BCAT1: variants seen among roughly 807,000 people sequenced by gnomAD.
BCAT1 encodes branched chain amino acid transaminase 1.
A neutral mutation model predicts 52.4 loss-of-function variants in BCAT1; 48 were observed. That is an observed-to-expected ratio of 0.92 (90% CI 0.73 to 1.16). BCAT1 has a LOEUF of 1.16. BCAT1 is among the 50% of genes most tolerant of loss of function. The probability of loss-of-function intolerance (pLI) is 0.00; values close to 1 mark genes in which losing one functional copy is unlikely to be tolerated. For synonymous variants in BCAT1, 167 were observed against 161.3 expected, an observed-to-expected ratio of 1.04 and a Z score of -0.27; for missense variants, 451 against 457.1, an observed-to-expected ratio of 0.99 and a Z score of 0.12.
intron 3 of BCAT1, among the ~76,000 whole-genome samples, chr12:24,885,271 TA>T (rs1942626487): frequency 6.6e-6 from 1 of 152,128 alleles, no homozygotes; most frequent in Non-Finnish European, 1.5e-5. Flanking sequence ...TAGCAGCAGT[TA>T]AAAAATAAAA....
In BCAT1 at chr12:24,840,382, C is replaced by T. The variant is rs187546288; in HGVS notation, c.817+1700G>A. The stretch of plus-strand genomic sequence containing the variant: ...CAGATGGGAAGAAGGGTTGAATCGG[C>T]CTATTATCTTCTAAGTGCAGAGGTC... On this transcript the variant is annotated intron_variant, in intron 7 of 10. Coordinates refer to ENST00000261192, the MANE Select transcript of BCAT1 (RefSeq NM_005504.7). 1.8e-3 allele frequency among the ~76,000 whole-genome samples: 279 copies of T among 152,204 alleles called. 7 individuals are homozygous for T. The highest frequency in any genetic ancestry group is 7.6e-4 in the Non-Finnish European group (52 of 68,004).
At chr12:24,883,678 A>G (rs1243693176) in intron 3 of BCAT1, among the ~76,000 whole-genome samples, 1 of 152,238 alleles carries the variant, frequency 6.6e-6, no homozygotes, top group Non-Finnish European at 1.5e-5. Flanking sequence ...CAAAAGCAGC[A>G]GTCCCCAACC....
intron 6 of BCAT1, among the ~76,000 whole-genome samples, chr12:24,846,000 T>C (rs1402751506): frequency 6.6e-6 from 1 of 152,232 alleles, no homozygotes; most frequent in Non-Finnish European, 1.5e-5. Context: ...AAATTATTTT[T>C]TCATATACAA....
Position 24,814,396 on chromosome 12 carries a change from G to A in BCAT1, c.*3612C>T, listed in dbSNP as rs1156586510. 1 of 140,954 alleles carries A rather than the reference G, an allele frequency of 7.1e-6. No individual in the cohort carries two copies. Among genetic ancestry groups the A allele is most frequent in the Non-Finnish European group, 1.5e-5 (1 of 65,660 alleles). The allele number at this position is 140,954 out of a possible 1,614,324, so 8.7% of individuals were successfully genotyped here. ...AAATTCATCTTTCCCAATCATAAGG[G>A]GAAACCAAATATGCAACTTGAAAAA... On this transcript the variant is annotated 3_prime_UTR_variant, in exon 11 of 11. Transcript: ENST00000261192.
At chr12:24,839,287 A>C (rs2139423362) in intron 7 of BCAT1, among the ~76,000 whole-genome samples, 2 of 152,342 alleles carry the variant, frequency 1.3e-5, no homozygotes, top group South Asian at 4.1e-4. Context: ...TCAAAGAGCA[A>C]GCGGTACAGA....
chr12:24,945,024 T>G (rs1478537748), intron 1 of BCAT1, among the ~76,000 whole-genome samples: 2 of 152,240 alleles, frequency 1.3e-5, no homozygotes, highest in African/African-American at 4.8e-5. Context: ...TTATGTGACA[T>G]GCTATGCTGT....
intron 1 of BCAT1, among the ~76,000 whole-genome samples, chr12:24,938,325 C>T (rs1240641163): frequency 6.6e-6 from 1 of 152,082 alleles, no homozygotes; most frequent in Non-Finnish European, 1.5e-5. Flanking sequence ...AATGACCTCA[C>T]CTAAGACCAG....
At chr12:24,912,381 G>A (rs138124765) in intron 1 of BCAT1, among the ~76,000 whole-genome samples, 67 of 152,192 alleles carry the variant, frequency 4.4e-4, no homozygotes, top group African/African-American at 1.3e-3. Context: ...TTAGCCGGGC[G>A]TAGTGGTGGG....
At chr12:24,917,833 A>C (rs1292641621) in intron 1 of BCAT1, among the ~76,000 whole-genome samples, 1 of 152,176 alleles carries the variant, frequency 6.6e-6, no homozygotes, top group Non-Finnish European at 1.5e-5. Context: ...CTCCACACCA[A>C]ATCAGTTGGT....
rs577368262 is a variant in BCAT1, at chr12:24,883,085, G to A, written c.280-1674C>T. On this transcript the variant is annotated intron_variant, in intron 3 of 10. Coordinates refer to ENST00000261192, the MANE Select transcript of BCAT1 (RefSeq NM_005504.7). Reference sequence around the variant, plus strand: ...TTGGATCACTTGAGGTCAGGAGTTCGAGACCAGCCTGGACAACATGGTGAA... The same window carrying A: ...TTGGATCACTTGAGGTCAGGAGTTCAAGACCAGCCTGGACAACATGGTGAA... 4.7e-3 allele frequency among the ~76,000 whole-genome samples: 717 copies of A among 151,378 alleles called. 10 individuals carry two copies. The highest frequency in any genetic ancestry group is 0.017 in the African/African-American group (691 of 41,312).
intron 1 of BCAT1, among the ~76,000 whole-genome samples, chr12:24,915,974 A>G (rs967821504): frequency 5.3e-5 from 8 of 150,664 alleles, no homozygotes; most frequent in Admixed American, 3.3e-4. Flanking sequence ...CCTGGGCAAC[A>G]TGGTGAAACC....
rs1939784548 is a variant in BCAT1, at chr12:24,814,030, AG to A, written c.*3977del. ...AAGTAATAGGTAATGCTCATTGAAA[AG>A]CTGGTACCCTTTGCCTCCTTTTGTG... On this transcript the variant is annotated 3_prime_UTR_variant, in exon 11 of 11. Transcript: ENST00000261192. 6.6e-6 allele frequency: 1 copy of A among 152,148 alleles called. No individual in the cohort carries two copies. The highest frequency in any genetic ancestry group is 1.5e-5 in the Non-Finnish European group (1 of 67,982). The allele number at this position is 152,148 out of a possible 1,614,324, so 9.4% of individuals were successfully genotyped here.
chr12:24,826,915 T>G lies in BCAT1; in HGVS notation c.1119+2908A>C, dbSNP rs150869948. On this transcript the variant is annotated intron_variant, in intron 10 of 10. Coordinates refer to ENST00000261192, the MANE Select transcript of BCAT1 (RefSeq NM_005504.7). ...TTGTGGCTATTATAAATGGGATTGC[T>G]TTCTTGATTTCTTTTTCAGATTGTT... 4.0e-4 allele frequency among the ~76,000 whole-genome samples: 61 copies of G among 152,316 alleles called. No individual in the cohort carries two copies. The East Asian group carries it at 0.011, about 26-fold the overall frequency.
At chr12:24,824,106 T>A (rs915727568) in intron 10 of BCAT1, among the ~76,000 whole-genome samples, 1 of 152,182 alleles carries the variant, frequency 6.6e-6, no homozygotes. Flanking sequence ...AGCTTCATGA[T>A]CATGTCTGCC....
At position 24,814,900 on chromosome 12, in the gene BCAT1, A is replaced by C. The variant is rs547360212; in HGVS notation, c.*3108T>G. The C allele has an allele frequency of 2.0e-5, 3 of 151,206 alleles. No individual in the cohort carries two copies. The East Asian group carries it at 5.8e-4, about 29-fold the overall frequency. The allele number at this position is 151,206 out of a possible 1,614,324, so 9.4% of individuals were successfully genotyped here. A position where few individuals can be genotyped will look rare whatever the true frequency, so the allele number is the denominator to read the frequency against. ...CAGGTAGAAAAAACCTGATTCCTTAACAAGACTTCTCAGTCACTTGTTTCT... is the reference window on the plus strand; with the variant it reads ...CAGGTAGAAAAAACCTGATTCCTTACCAAGACTTCTCAGTCACTTGTTTCT... On this transcript the variant is annotated 3_prime_UTR_variant, in exon 11 of 11. Coordinates refer to ENST00000261192, the MANE Select transcript of BCAT1 (RefSeq NM_005504.7).
intron 1 of BCAT1, among the ~76,000 whole-genome samples, chr12:24,948,139 T>C (rs1039672799): frequency 4.6e-5 from 7 of 152,222 alleles, no homozygotes; most frequent in African/African-American, 1.7e-4. Flanking sequence ...TCCAAAATGT[T>C]AGATGGCAAG....
intron 5 of BCAT1, among the ~76,000 whole-genome samples, chr12:24,859,358 C>T (rs766333226): frequency 4.6e-5 from 7 of 152,146 alleles, no homozygotes; most frequent in South Asian, 2.1e-4. Flanking sequence ...CAGTGGCTCA[C>T]GCCTGTAATA....
rs140239764 is a variant in BCAT1 at position 24,931,695 on chromosome 12, C to A, written c.6+17232G>T. Among the ~76,000 whole-genome samples the A allele has an allele frequency of 7.3e-3, 1,117 of 152,216 alleles. 9 individuals carry two copies. The highest frequency in any genetic ancestry group is 0.031 in the Middle Eastern group (9 of 294). On this transcript the variant is annotated intron_variant, in intron 1 of 10. Transcript: ENST00000261192. Reference sequence around the variant, plus strand: ...GATATTATTCAAAATCAAGTATTAACCTAGAGCAAAAGTAGAACAAAAAGT... The same window carrying A: ...GATATTATTCAAAATCAAGTATTAAACTAGAGCAAAAGTAGAACAAAAAGT...
intron 1 of BCAT1, chr12:24,902,624 G>A: frequency 2.3e-6 from 1 of 443,592 alleles, no homozygotes. Context: ...CAGAGATTCA[G>A]CTCCCGCCTC....
Sources: gnomAD v4.1 joint callset for allele counts (sites outside exome capture counted in the v4.1 genomes callset) on GRCh38, gnomAD v4.1.1 for gene constraint, MANE v1.5 for transcripts, NCBI Gene and HGNC (gene_info 2026-07-23, HGNC 2026-07-21) for gene names.